GAREM1: variants seen among roughly 807,000 people sequenced by gnomAD.
GAREM1 encodes GRB2 associated regulator of MAPK1 subtype 1.
In GAREM1, 26 loss-of-function variants were observed where a neutral mutation model predicts 71.3. The ratio of observed to expected loss-of-function variants is 0.36; its 90% CI spans 0.27 to 0.51. The LOEUF (loss-of-function observed/expected upper bound fraction) is 0.51. GAREM1 is among the 20% of genes least tolerant of loss of function. The pLI is 0.95. For missense variants in GAREM1, 1,026 were observed against 1,103.1 expected, an observed-to-expected ratio of 0.93 and a Z score of 0.99; for synonymous variants, 440 against 433.2, an observed-to-expected ratio of 1.02 and a Z score of -0.20.
At chr18:32,400,635 C>T (rs1256725427) in intron 1 of GAREM1, among the ~76,000 whole-genome samples, 3 of 152,184 alleles carry the variant, frequency 2.0e-5, no homozygotes, top group Non-Finnish European at 4.4e-5. Context: ...TACCATCTCA[C>T]ACCAGTTAGA....
intron 2 of GAREM1, among the ~76,000 whole-genome samples, chr18:32,336,193 G>A (rs988712358): frequency 6.6e-5 from 10 of 152,178 alleles, no homozygotes; most frequent in Non-Finnish European, 1.5e-4. Flanking sequence ...CACTTTGGGA[G>A]GCCGAGACGG....
chr18:32,268,869 T>A, intron 5 of GAREM1, 101 bp from the exon 6 acceptor site: 1 of 974,696 alleles, frequency 1.0e-6, no homozygotes, highest in South Asian at 1.8e-5. Context: ...AAAAGCGCAG[T>A]TAGTTTTGAA....
At chr18:32,270,079 A>T in intron 5 of GAREM1, 138 bp downstream of exon 5, 1 of 938,432 alleles carries the variant, frequency 1.1e-6, no homozygotes, top group East Asian at 2.7e-5. Context: ...TCACTCAGTA[A>T]AATTATTTAG....
intron 2 of GAREM1, among the ~76,000 whole-genome samples, chr18:32,381,561 T>A (rs1294690872): frequency 1.3e-5 from 2 of 152,192 alleles, no homozygotes; most frequent in African/African-American, 4.8e-5. Flanking sequence ...CCAGCCTAGA[T>A]CAGGTGTTCA....
rs528593586 is a variant in GAREM1 at position 32,272,440 on chromosome 18, C to T, written c.1567-2057G>A. 9.2e-5 allele frequency among the ~76,000 whole-genome samples: 14 copies of T among 152,302 alleles called. No individual in the cohort carries two copies. The East Asian group carries it at 2.7e-3, about 29-fold the overall frequency. ...GTTTCATCTGGAGAAGCTCTTTAGA[C>T]TAAAAGAAAATATTCGGAGCAGCAG... On this transcript the variant is annotated intron_variant, in intron 4 of 5. Transcript: ENST00000269209.
In GAREM1 at chr18:32,287,208, G is replaced by A. The variant is rs979953910; in HGVS notation, c.1389C>T (p.Pro463=). Residue 463 remains proline (P), a synonymous_variant, in exon 4 of 6, where the codon CCC becomes CCT. Coordinates refer to ENST00000269209, the MANE Select transcript of GAREM1 (RefSeq NM_001242409.2). The surrounding 1 kb of genome is among the most constrained non-coding windows in gnomAD (Gnocchi z 5.9). ...YEELWLEEGK[P]SHQPLTRSLS... is the part of the protein sequence containing the mutation. Reference sequence around the variant, plus strand: ...GAGAGCGAGTGAGAGGCTGATGGCTGGGCTTGCCTTCCTCCAGCCACAGCT... The same window carrying A: ...GAGAGCGAGTGAGAGGCTGATGGCTAGGCTTGCCTTCCTCCAGCCACAGCT... 9.3e-6 allele frequency: 15 copies of A among 1,614,096 alleles called. No homozygotes were observed. Among genetic ancestry groups the A allele is most frequent in the African/African-American group, 1.3e-5 (1 of 74,942 alleles).
At chr18:32,334,487 T>C (rs900206065) in intron 2 of GAREM1, among the ~76,000 whole-genome samples, 4 of 151,344 alleles carry the variant, frequency 2.6e-5, no homozygotes, top group Non-Finnish European at 5.9e-5. Context: ...GCCAGGAGGG[T>C]CTTAATATTT....
rs544408123 is a variant in GAREM1, at chr18:32,401,324, A to G, written c.122-8289T>C. The stretch of plus-strand genomic sequence containing the variant: ...CATGTACCCTAGAACTTAAAGTATA[A>G]AAATAAAAAATAATAATAAAGACTA... On this transcript the variant is annotated intron_variant, in intron 1 of 5. Coordinates refer to ENST00000269209, the MANE Select transcript of GAREM1 (RefSeq NM_001242409.2). 2.0e-5 allele frequency among the ~76,000 whole-genome samples: 3 copies of G among 152,230 alleles called. No homozygotes were observed. The East Asian group carries it at 5.8e-4, about 29-fold the overall frequency.
intron 1 of GAREM1, among the ~76,000 whole-genome samples, chr18:32,464,749 A>C (rs1199850187): frequency 2.7e-5 from 4 of 147,220 alleles, no homozygotes; most frequent in Non-Finnish European, 6.0e-5. Context: ...TATACTCTGA[A>C]GCCTCCCTCA....
chr18:32,426,563 T>C (rs1352297708), intron 1 of GAREM1, among the ~76,000 whole-genome samples: 2 of 152,244 alleles, frequency 1.3e-5, no homozygotes, highest in Admixed American at 6.5e-5. Context: ...TGTATTTGAA[T>C]TGTACATCTC....
intron 1 of GAREM1, among the ~76,000 whole-genome samples, chr18:32,467,239 T>C (rs1306904050): frequency 1.3e-5 from 2 of 152,178 alleles, no homozygotes; most frequent in South Asian, 2.1e-4. Context: ...GAAAGTTGTA[T>C]GTATGATGGA....
intron 1 of GAREM1, among the ~76,000 whole-genome samples, chr18:32,442,475 G>A (rs1342371811): frequency 2.6e-5 from 4 of 152,040 alleles, no homozygotes; most frequent in Non-Finnish European, 5.9e-5. Flanking sequence ...TTTATAAAAA[G>A]AGCAGTATCA....
chr18:32,295,590 C>A (rs1397096740), intron 3 of GAREM1, among the ~76,000 whole-genome samples: 1 of 152,098 alleles, frequency 6.6e-6, no homozygotes, highest in African/African-American at 2.4e-5. Flanking sequence ...GGAAGAGCAA[C>A]CTTTGTAAAT....
chr18:32,408,302 C>CA (rs1007459108), intron 1 of GAREM1, among the ~76,000 whole-genome samples: 37 of 152,034 alleles, frequency 2.4e-4, no homozygotes, highest in African/African-American at 8.4e-4. Flanking sequence ...TGTCTATTTA[C>CA]AAAAAAGAGG....
At position 32,327,585 on chromosome 18, in the gene GAREM1, G is replaced by T. The variant is rs1378839218; in HGVS notation, c.263-17262C>A. On this transcript the variant is annotated intron_variant, in intron 2 of 5. Coordinates refer to ENST00000269209, the MANE Select transcript of GAREM1 (RefSeq NM_001242409.2). ...ATAACAAGAAAAGAATGACTAGAAA[G>T]TGAAGGATTAGGATTATGTTTACAA... 2.0e-5 allele frequency among the ~76,000 whole-genome samples: 3 copies of T among 151,910 alleles called. No individual in the cohort carries two copies. The South Asian group carries it at 6.2e-4, about 32-fold the overall frequency.
chr18:32,350,768 G>C (rs558145805), intron 2 of GAREM1, among the ~76,000 whole-genome samples: 55 of 152,210 alleles, frequency 3.6e-4, no homozygotes, highest in African/African-American at 1.2e-3. Flanking sequence ...ACAACCAAGT[G>C]ATGGCCTTCT....
At chr18:32,434,576 A>T (rs929134898) in intron 1 of GAREM1, among the ~76,000 whole-genome samples, 19 of 152,282 alleles carry the variant, frequency 1.2e-4, no homozygotes, top group Non-Finnish European at 4.4e-5. Flanking sequence ...GCAACAAATT[A>T]AATAGGAATA....
At chr18:32,361,192 G>C (rs1271413724) in intron 2 of GAREM1, among the ~76,000 whole-genome samples, 1 of 152,066 alleles carries the variant, frequency 6.6e-6, no homozygotes, top group African/African-American at 2.4e-5. Flanking sequence ...TAGATTATCT[G>C]CCTTGGGGAT....
At chr18:32,403,494 C>G (rs927555946) in intron 1 of GAREM1, among the ~76,000 whole-genome samples, 46 of 152,152 alleles carry the variant, frequency 3.0e-4, no homozygotes, top group African/African-American at 1.1e-3. Flanking sequence ...CTTGCCTTGG[C>G]CTTTATCTCT....
Sources: gnomAD v4.1 joint callset for allele counts (sites outside exome capture counted in the v4.1 genomes callset) on GRCh38, gnomAD v4.1.1 for gene constraint, Gnocchi (gnomAD v3.1) non-coding constraint, MANE v1.5 for transcripts, NCBI Gene and HGNC (gene_info 2026-07-23, HGNC 2026-07-21) for gene names.